COX16: variants seen among roughly 807,000 people sequenced by gnomAD.
COX16 encodes cytochrome c oxidase assembly factor COX16, also known as cytochrome c oxidase assembly protein COX16 homolog, mitochondrial.
COX16 carries 12 observed loss-of-function variants against 15.4 expected under a neutral mutation model. The observed-to-expected ratio is 0.78, with a 90% confidence interval of 0.50 to 1.26. COX16 has a LOEUF of 1.26. COX16 is among the 50% of genes most tolerant of loss of function. COX16 has a pLI of 0.00. For missense variants in COX16, 124 were observed against 127.6 expected, an observed-to-expected ratio of 0.97 and a Z score of 0.14; for synonymous variants, 46 against 41.1, an observed-to-expected ratio of 1.12 and a Z score of -0.46.
chr14:70,357,930 A>G (rs1887180818), intron 1 of COX16, among the ~76,000 whole-genome samples: 1 of 152,240 alleles, frequency 6.6e-6, no homozygotes, highest in South Asian at 2.1e-4. Context: ...ACTTCCACAC[A>G]AAGCGTGTAC....
chr14:70,332,172 A>G (rs1886311015), intron 2 of COX16, among the ~76,000 whole-genome samples: 1 of 152,238 alleles, frequency 6.6e-6, no homozygotes, highest in African/African-American at 2.4e-5. Context: ...TGTCTGCCTG[A>G]TGATATTGGT....
intron 3 of COX16, among the ~76,000 whole-genome samples, chr14:70,327,355 A>G (rs1007929447): frequency 2.0e-5 from 3 of 151,976 alleles, no homozygotes; most frequent in Admixed American, 2.0e-4. Context: ...TCTACATTTG[A>G]GAGTCTTCAG....
At chr14:70,357,032 C>T (rs1424006532) in intron 1 of COX16, among the ~76,000 whole-genome samples, 1 of 151,868 alleles carries the variant, frequency 6.6e-6, no homozygotes, top group African/African-American at 2.4e-5. Flanking sequence ...AAACACCATT[C>T]TGTGAGAAAT....
chr14:70,358,336 T>C (rs1241650997), intron 1 of COX16, among the ~76,000 whole-genome samples: 1 of 151,724 alleles, frequency 6.6e-6, no homozygotes, highest in East Asian at 1.9e-4. Flanking sequence ...TACGAATATA[T>C]TAGTATACTA....
intron 2 of COX16, among the ~76,000 whole-genome samples, chr14:70,338,259 C>T (rs759551964): frequency 2.5e-4 from 38 of 152,118 alleles, no homozygotes; most frequent in Non-Finnish European, 4.3e-4. Flanking sequence ...ACTGCGGGCA[C>T]GCACCACCAC....
intron 3 of COX16, among the ~76,000 whole-genome samples, chr14:70,327,961 A>G (rs1469811030): frequency 6.6e-6 from 1 of 152,120 alleles, no homozygotes; most frequent in Non-Finnish European, 1.5e-5. Flanking sequence ...TGGAGTTTCC[A>G]GGCCTGCCAG....
intron 1 of COX16, among the ~76,000 whole-genome samples, chr14:70,351,755 A>C (rs866872263): frequency 2.0e-4 from 30 of 152,314 alleles, no homozygotes; most frequent in Admixed American, 1.6e-3. Flanking sequence ...CTTGTTTGAT[A>C]GTTGAATGAT....
At chr14:70,350,453 T>G (rs1429797049) in intron 1 of COX16, among the ~76,000 whole-genome samples, 1 of 152,094 alleles carries the variant, frequency 6.6e-6, no homozygotes. Flanking sequence ...ATTGGCGCGC[T>G]CTCGGGGTTC....
Position 70,326,562 on chromosome 14 carries a change from G to A in COX16, c.205-113C>T, listed in dbSNP as rs1323401062. ...AGTAGAAAGTATCCGATAGGTCCTCGATTACAACTGTAGCAAATAAATCAA... is the reference window on the plus strand; with the variant it reads ...AGTAGAAAGTATCCGATAGGTCCTCAATTACAACTGTAGCAAATAAATCAA... On this transcript the variant is annotated intron_variant, in intron 3 of 3. Transcript: ENST00000389912. 4 of 632,508 alleles carry A rather than the reference G, an allele frequency of 6.3e-6. No individual in the cohort carries two copies. The East Asian group carries it at 1.0e-4, about 16-fold the overall frequency. The allele number at this position is 632,508 out of a possible 1,614,324, so 39.2% of individuals were successfully genotyped here. A position where few individuals can be genotyped will look rare whatever the true frequency, so the allele number is the denominator to read the frequency against.
At chr14:70,349,581 G>GA (rs1886884055) in intron 1 of COX16, among the ~76,000 whole-genome samples, 1 of 152,226 alleles carries the variant, frequency 6.6e-6, no homozygotes, top group Non-Finnish European at 1.5e-5. Flanking sequence ...AGGCAAAGTT[G>GA]AAAAAATGAA....
At chr14:70,354,337 T>C (rs2140756830) in intron 1 of COX16, among the ~76,000 whole-genome samples, 1 of 152,332 alleles carries the variant, frequency 6.6e-6, no homozygotes, top group African/African-American at 2.4e-5. Flanking sequence ...AATGAAAAGA[T>C]ACAGGCAGGC....
At chr14:70,329,507 A>T (rs528479495) in intron 2 of COX16, among the ~76,000 whole-genome samples, 1 of 152,060 alleles carries the variant, frequency 6.6e-6, no homozygotes, top group Non-Finnish European at 1.5e-5. Context: ...AATCCATGAG[A>T]TCTGTATTAT....
chr14:70,346,685 TTTAA>T (rs1254848581), intron 1 of COX16, among the ~76,000 whole-genome samples: 1 of 152,160 alleles, frequency 6.6e-6, no homozygotes, highest in African/African-American at 2.4e-5. Flanking sequence ...GTATTTTTTT[TTTAA>T]TTAATACCGG....
chr14:70,333,945 G>A (rs1277417413), intron 2 of COX16, among the ~76,000 whole-genome samples: 1 of 152,118 alleles, frequency 6.6e-6, no homozygotes, highest in Non-Finnish European at 1.5e-5. Context: ...GAGTGCTGAG[G>A]AAAACAAACA....
chr14:70,359,289 A>G lies in COX16; in HGVS notation c.69+230T>C, dbSNP rs1278834385. The stretch of plus-strand genomic sequence containing the variant: ...AGACGCCACGCTCACAAGCAGACAG[A>G]TCCTAGTACACCTGAAATCCAACCG... On this transcript the variant is annotated intron_variant, in intron 1 of 3. Transcript: ENST00000389912. 8.0e-6 allele frequency: 5 copies of G among 628,810 alleles called. No homozygotes were observed. In the East Asian group the frequency reaches 1.6e-4, roughly 20 times the overall value. The allele number at this position is 628,810 out of a possible 1,614,324, so 39.0% of individuals were successfully genotyped here. A position where few individuals can be genotyped will look rare whatever the true frequency, so the allele number is the denominator to read the frequency against.
Position 70,326,251 on chromosome 14 carries a change from C to T in COX16, c.*82G>A. ...CCATGGGCCTGGAATTTCCTTTCCACTTGATAGAAGTATATATTAGGAAGT... is the reference window on the plus strand; with the variant it reads ...CCATGGGCCTGGAATTTCCTTTCCATTTGATAGAAGTATATATTAGGAAGT... On this transcript the variant is annotated 3_prime_UTR_variant, in exon 4 of 4. Coordinates refer to ENST00000389912, the MANE Select transcript of COX16 (RefSeq NM_016468.7). The T allele has an allele frequency of 1.7e-6, 2 of 1,148,218 alleles. No homozygotes were observed. Among genetic ancestry groups the T allele is most frequent in the African/African-American group, 1.6e-5 (1 of 61,372 alleles). The allele number at this position is 1,148,218 out of a possible 1,614,324, so 71.1% of individuals were successfully genotyped here.
At chr14:70,341,355 A>C (rs1886618835) in intron 2 of COX16, among the ~76,000 whole-genome samples, 4 of 152,216 alleles carry the variant, frequency 2.6e-5, no homozygotes, top group Admixed American at 2.6e-4. Flanking sequence ...AAAACCATAA[A>C]ATTAACTGAG....
intron 1 of COX16, among the ~76,000 whole-genome samples, chr14:70,349,053 A>G (rs1886865584): frequency 6.6e-6 from 1 of 152,180 alleles, no homozygotes; most frequent in Non-Finnish European, 1.5e-5. Flanking sequence ...AAGGAAAGGC[A>G]CTTCATTCTT....
intron 2 of COX16, among the ~76,000 whole-genome samples, chr14:70,336,908 C>T (rs969759847): frequency 6.6e-6 from 1 of 152,078 alleles, no homozygotes; most frequent in African/African-American, 2.4e-5. Context: ...ACAAAATAAT[C>T]AACCAAAAAA....
Sources: allele counts gnomAD v4.1 joint callset (sites outside exome capture counted in the v4.1 genomes callset), GRCh38; gene constraint gnomAD v4.1.1; transcripts MANE v1.5; gene names NCBI Gene and HGNC (gene_info 2026-07-23, HGNC 2026-07-21).